Variants in CSMD3 observed in about 807,000 individuals in gnomAD.
The protein encoded by CSMD3 is CUB and Sushi multiple domains 3.
Under a neutral mutation model 435.2 loss-of-function variants are expected in CSMD3, and 177 were observed. That is an observed-to-expected ratio of 0.41 (90% CI 0.36 to 0.46). The LOEUF is 0.46. Among genes scored for constraint, CSMD3 ranks in the 20% least tolerant of loss-of-function variants. The pLI is 0.34. For missense variants in CSMD3, 4,265 were observed against 4,504.6 expected (o/e 0.95, Z 1.52); for synonymous variants, 1,656 against 1,520.5 (o/e 1.09, Z -2.07).
intron 30 of CSMD3, among the ~76,000 whole-genome samples, chr8:112,498,535 T>C (rs1172312560): frequency 6.6e-6 from 1 of 152,070 alleles, no homozygotes; most frequent in Non-Finnish European, 1.5e-5. Context: ...CATTATAAGG[T>C]CCTGACCAGT....
intron 22 of CSMD3, among the ~76,000 whole-genome samples, chr8:112,603,711 C>CT (rs899283085): frequency 3.3e-5 from 5 of 152,120 alleles, no homozygotes; most frequent in South Asian, 4.2e-4. Context: ...AAGTTTTTCT[C>CT]TTTTTTTATG....
chr8:113,230,305 G>A (rs548337367), intron 3 of CSMD3, among the ~76,000 whole-genome samples: 1 of 151,492 alleles, frequency 6.6e-6, no homozygotes, highest in Non-Finnish European at 1.5e-5. Context: ...TTTTTTCCTT[G>A]TAGAATTATG....
At chr8:113,266,942 A>C (rs544995184) in intron 3 of CSMD3, among the ~76,000 whole-genome samples, 4 of 151,856 alleles carry the variant, frequency 2.6e-5, no homozygotes, top group Admixed American at 1.3e-4. Context: ...TGGGCAAAGG[A>C]CACAAATAGA....
intron 38 of CSMD3, among the ~76,000 whole-genome samples, chr8:112,359,507 G>T (rs550239950): frequency 2.0e-4 from 30 of 152,258 alleles, no homozygotes; most frequent in Non-Finnish European, 4.3e-4. Context: ...ATATAAGAAA[G>T]AGAGTGTATC....
At chr8:113,298,555 T>C (rs1432799972) in intron 2 of CSMD3, among the ~76,000 whole-genome samples, 1 of 152,154 alleles carries the variant, frequency 6.6e-6, no homozygotes, top group Non-Finnish European at 1.5e-5. Flanking sequence ...AAGAGGATAG[T>C]AGGTACTCAT....
intron 7 of CSMD3, among the ~76,000 whole-genome samples, chr8:112,957,611 C>T (rs904645795): frequency 2.6e-5 from 4 of 151,516 alleles, no homozygotes; most frequent in African/African-American, 9.7e-5. Flanking sequence ...GTGACACACG[C>T]GGCTAATTTT....
chr8:113,351,765 AT>A (rs2094192052), intron 1 of CSMD3, among the ~76,000 whole-genome samples: 2 of 152,290 alleles, frequency 1.3e-5, no homozygotes, highest in South Asian at 4.1e-4. Context: ...AAAAGTGGTA[AT>A]TAAAGTTTGC....
chr8:112,807,295 G>A (rs1429496155), intron 12 of CSMD3, among the ~76,000 whole-genome samples: 1 of 152,176 alleles, frequency 6.6e-6, no homozygotes, highest in Non-Finnish European at 1.5e-5. Flanking sequence ...GAGCCAAAGA[G>A]CCTGTGGTTT....
At chr8:112,918,301 G>C (rs2082632379) in intron 10 of CSMD3, among the ~76,000 whole-genome samples, 1 of 151,670 alleles carries the variant, frequency 6.6e-6, no homozygotes, top group Non-Finnish European at 1.5e-5. Context: ...GTTGTTTTTA[G>C]TATTTTCCCA....
chr8:112,837,836 C>G (rs2080072200), intron 11 of CSMD3, among the ~76,000 whole-genome samples: 1 of 151,660 alleles, frequency 6.6e-6, no homozygotes, highest in African/African-American at 2.4e-5. Flanking sequence ...ATTATTTTTG[C>G]TCCCCGGTGT....
intron 11 of CSMD3, among the ~76,000 whole-genome samples, chr8:112,844,967 G>A (rs189027272): frequency 4.7e-4 from 72 of 151,928 alleles, no homozygotes; most frequent in South Asian, 1.0e-3. Flanking sequence ...TATGATTCCG[G>A]TATAATCATA....
chr8:112,994,413 T>C (rs1240259787), intron 6 of CSMD3, among the ~76,000 whole-genome samples: 1 of 151,588 alleles, frequency 6.6e-6, no homozygotes, highest in Admixed American at 6.6e-5. Flanking sequence ...ATTACTCCAA[T>C]GCAAAGAATA....
At chr8:113,264,441 G>A (rs2093451758) in intron 3 of CSMD3, among the ~76,000 whole-genome samples, 1 of 150,610 alleles carries the variant, frequency 6.6e-6, no homozygotes, top group South Asian at 2.1e-4. Context: ...TGTGAAACAG[G>A]ATTACATAAT....
chr8:112,881,690 A>T (rs922026470), intron 10 of CSMD3, among the ~76,000 whole-genome samples: 2 of 152,026 alleles, frequency 1.3e-5, no homozygotes, highest in Non-Finnish European at 2.9e-5. Flanking sequence ...TCCCAAAATA[A>T]TGAGGTTTCA....
chr8:113,106,929 T>A (rs1415854380), intron 4 of CSMD3, among the ~76,000 whole-genome samples: 1 of 152,114 alleles, frequency 6.6e-6, no homozygotes, highest in Non-Finnish European at 1.5e-5. Context: ...TCAATGCCTT[T>A]TAGTATATTC....
At chr8:112,788,307 A>G (rs2078604161) in intron 13 of CSMD3, among the ~76,000 whole-genome samples, 1 of 152,064 alleles carries the variant, frequency 6.6e-6, no homozygotes, top group Non-Finnish European at 1.5e-5. Flanking sequence ...AAATCATGGC[A>G]TGTTCTTTCC....
chr8:113,018,688 T>C (rs4876299), intron 6 of CSMD3: 114,321 of 194,094 alleles, frequency 0.59, 35,919 homozygotes, highest in East Asian at 0.95. Context: ...GTAACAAACA[T>C]GCTGCATATG....
chr8:112,225,183 T>C (rs1371782507), intron 70 of CSMD3, among the ~76,000 whole-genome samples: 1 of 152,108 alleles, frequency 6.6e-6, no homozygotes. Context: ...AATTATATGA[T>C]GGCTATAATA....
intron 53 of CSMD3, among the ~76,000 whole-genome samples, chr8:112,299,858 C>T (rs1424117356): frequency 1.3e-5 from 2 of 151,878 alleles, no homozygotes; most frequent in Non-Finnish European, 2.9e-5. Flanking sequence ...AATGGATGAT[C>T]TTGTCTCCTT....
Sources: gnomAD v4.1 joint callset for allele counts (sites outside exome capture counted in the v4.1 genomes callset) on GRCh38, gnomAD v4.1.1 for gene constraint, MANE v1.5 for transcripts, NCBI Gene and HGNC (gene_info 2026-07-23, HGNC 2026-07-21) for gene names.